The following PRKACB variants were observed in gnomAD, a reference collection of about 807,000 sequenced individuals.
PRKACB encodes the protein protein kinase cAMP-activated catalytic subunit beta, also known as cAMP-dependent protein kinase catalytic subunit beta.
In PRKACB, 16 loss-of-function variants were observed where a neutral mutation model predicts 51.4. The ratio of observed to expected loss-of-function variants is 0.31; its 90% CI spans 0.21 to 0.47. PRKACB has a LOEUF of 0.47. Ranked by LOEUF, PRKACB falls within the 20% of genes least tolerant of loss-of-function variation. PRKACB has a pLI of 1.00. For synonymous variants in PRKACB, 147 were observed against 154.4 expected (o/e 0.95, Z 0.35); for missense variants, 309 against 464.5 (o/e 0.67, Z 3.08).
intron 9 of PRKACB, among the ~76,000 whole-genome samples, chr1:84,232,976 T>G (rs1341615376): frequency 6.6e-6 from 1 of 152,098 alleles, no homozygotes; most frequent in Non-Finnish European, 1.5e-5. Flanking sequence ...CTTGTTATTT[T>G]GCTCGTTAGT....
chr1:84,206,291 A>G (rs993187223), intron 8 of PRKACB, among the ~76,000 whole-genome samples: 1 of 152,154 alleles, frequency 6.6e-6, no homozygotes, highest in Admixed American at 6.5e-5. Flanking sequence ...GAGTTGGTTA[A>G]TTTTTCCTGA....
At chr1:84,128,088 A>G (rs1651807705) in intron 1 of PRKACB, among the ~76,000 whole-genome samples, 1 of 140,342 alleles carries the variant, frequency 7.1e-6, no homozygotes, top group Admixed American at 7.4e-5. Flanking sequence ...GGCTCACTGC[A>G]ACCTTCACCT....
At chr1:84,199,472 A>G (rs1018025165) in intron 7 of PRKACB, among the ~76,000 whole-genome samples, 2 of 152,170 alleles carry the variant, frequency 1.3e-5, no homozygotes, top group Admixed American at 6.6e-5. Flanking sequence ...TTCATGCAAA[A>G]GACATGATCT....
intron 1 of PRKACB, among the ~76,000 whole-genome samples, chr1:84,135,462 A>G (rs185204781): frequency 9.7e-4 from 148 of 152,176 alleles, no homozygotes; most frequent in African/African-American, 3.5e-3. Context: ...TCCATTTAAC[A>G]AGAGCAAAAT....
upstream of PRKACB, chr1:84,144,159 ACT>A: frequency 9.5e-7 from 1 of 1,050,516 alleles, no homozygotes; most frequent in Non-Finnish European, 1.3e-6. Flanking sequence ...AAAATCCTCA[ACT>A]CTAGCTGAAA....
rs1293940091 is a variant in PRKACB at position 84,079,145 on chromosome 1, GTGTGTGTGTGTCTGTGTGTT to G, written c.46+783_46+802del. ...AATGGAATTTCTGTATGGCGATAAG[GTGTGTGTGTGTCTGTGTGTT>G]TGTGTGTGCATGTATACACATGCAT... is the stretch of plus-strand genomic sequence containing the variant. On this transcript the variant is annotated intron_variant, in intron 1 of 8. Transcript: ENST00000370688. Among the ~76,000 whole-genome samples the G allele has an allele frequency of 7.9e-5, 12 of 151,264 alleles. No homozygotes were observed. The East Asian group carries it at 2.3e-3, about 29-fold the overall frequency.
At chr1:84,223,812 A>G (rs1472166267) in intron 9 of PRKACB, among the ~76,000 whole-genome samples, 3 of 152,148 alleles carry the variant, frequency 2.0e-5, no homozygotes, top group Non-Finnish European at 4.4e-5. Context: ...ATTCTTTTTC[A>G]GACATTTCAT....
intron 1 of PRKACB, among the ~76,000 whole-genome samples, chr1:84,151,761 T>G (rs1439536959): frequency 1.3e-5 from 2 of 152,202 alleles, no homozygotes; most frequent in African/African-American, 2.4e-5. Flanking sequence ...GAGTCACATC[T>G]CCAGGCTCCA....
chr1:84,099,129 C>T (rs140232806), intron 1 of PRKACB, among the ~76,000 whole-genome samples: 13 of 151,930 alleles, frequency 8.6e-5, no homozygotes, highest in East Asian at 3.9e-4. Flanking sequence ...TATACATATT[C>T]GATGAATGTG....
At chr1:84,084,752 C>T (rs977559176) in intron 1 of PRKACB, among the ~76,000 whole-genome samples, 3 of 152,074 alleles carry the variant, frequency 2.0e-5, no homozygotes, top group Admixed American at 1.3e-4. Flanking sequence ...TGGGTTGTAA[C>T]GCCAGTAATA....
intron 1 of PRKACB, among the ~76,000 whole-genome samples, chr1:84,100,333 A>G (rs1305576373): frequency 6.6e-6 from 1 of 152,142 alleles, no homozygotes; most frequent in Non-Finnish European, 1.5e-5. Context: ...ACAATTCAAG[A>G]CAAGATTTGA....
At chr1:84,090,133 T>A (rs1454230669) in intron 1 of PRKACB, among the ~76,000 whole-genome samples, 1 of 152,212 alleles carries the variant, frequency 6.6e-6, no homozygotes, top group East Asian at 1.9e-4. Flanking sequence ...ACCACATTTC[T>A]CTGATCAACT....
intron 9 of PRKACB, among the ~76,000 whole-genome samples, chr1:84,228,811 T>C (rs1451552728): frequency 6.6e-6 from 1 of 152,174 alleles, no homozygotes; most frequent in Admixed American, 6.5e-5. Flanking sequence ...AAAGAATTTT[T>C]ACAAGAGGGA....
intron 1 of PRKACB, among the ~76,000 whole-genome samples, chr1:84,162,527 C>A (rs374249903): frequency 6.3e-4 from 96 of 152,056 alleles, no homozygotes; most frequent in African/African-American, 2.2e-3. Context: ...ATCTATCTTC[C>A]AGTTCACTGA....
intron 5 of PRKACB, among the ~76,000 whole-genome samples, chr1:84,186,945 C>T (rs1665303358): frequency 6.6e-6 from 1 of 152,158 alleles, no homozygotes; most frequent in Admixed American, 6.6e-5. Context: ...GTTGGGACAG[C>T]TGCCTTTACA....
At chr1:84,096,699 A>G (rs902474204) in intron 1 of PRKACB, among the ~76,000 whole-genome samples, 4 of 152,088 alleles carry the variant, frequency 2.6e-5, no homozygotes, top group Non-Finnish European at 5.9e-5. Flanking sequence ...TTTTTTTTAT[A>G]TATCACTTTA....
At chr1:84,130,599 T>G (rs77079646) in intron 1 of PRKACB, among the ~76,000 whole-genome samples, 2,038 of 152,244 alleles carry the variant, frequency 0.013, 52 homozygotes, top group African/African-American at 0.046. Flanking sequence ...CTGCAGAAAT[T>G]TCTAAAAAAA....
At chr1:84,171,808 A>G (rs879312662) in intron 1 of PRKACB, among the ~76,000 whole-genome samples, 1 of 151,606 alleles carries the variant, frequency 6.6e-6, no homozygotes, top group Admixed American at 6.6e-5. Flanking sequence ...AGAATTGATA[A>G]CAGAATCTGG....
intron 1 of PRKACB, among the ~76,000 whole-genome samples, chr1:84,154,895 C>T (rs1255666884): frequency 1.3e-5 from 2 of 152,004 alleles, no homozygotes; most frequent in Non-Finnish European, 2.9e-5. Context: ...ATAATAAAGG[C>T]TACATAGGAT....
Sources: allele counts gnomAD v4.1 joint callset (sites outside exome capture counted in the v4.1 genomes callset), GRCh38; gene constraint gnomAD v4.1.1; transcripts MANE v1.5; gene names NCBI Gene and HGNC (gene_info 2026-07-23, HGNC 2026-07-21).